Variants in CCDC180 observed in about 807,000 individuals in gnomAD.
The protein encoded by CCDC180 is coiled-coil domain containing 180, also known as coiled-coil domain-containing protein 180.
CCDC180 carries 154 observed loss-of-function variants against 209.2 expected under a neutral mutation model. The observed-to-expected ratio is 0.74, with a 90% CI of 0.65 to 0.84. The LOEUF (loss-of-function observed/expected upper bound fraction) is 0.84, where lower values mean the gene tolerates loss of function less well. Ranked by LOEUF, CCDC180 falls within the 40% of genes least tolerant of loss-of-function variation. The probability of loss-of-function intolerance (pLI) is 0.00; values close to 1 mark genes in which losing one functional copy is unlikely to be tolerated. For missense variants in CCDC180, 1,874 were observed against 1,997.3 expected, an observed-to-expected ratio of 0.94 and a Z score of 1.18; for synonymous variants, 778 against 749.1, an observed-to-expected ratio of 1.04 and a Z score of -0.63.
chr9:97,320,189 C>T lies in CCDC180; in HGVS notation c.1143C>T (p.Ser381=), dbSNP rs752058708. 1.9e-6 allele frequency: 3 copies of T among 1,614,040 alleles called. No homozygotes were observed. Among genetic ancestry groups the T allele is most frequent in the Non-Finnish European group, 1.7e-6 (2 of 1,179,996 alleles). The change falls in exon 11 of 37, where the codon TCC becomes TCT. Residue 381 remains serine, a synonymous_variant. Coordinates refer to ENST00000529487, the MANE Select transcript of CCDC180 (RefSeq NM_020893.6). ...CTGAGTGGCATTCTTCCCTCAACTC[C>T]CTGAACAAGGAGCTAGGTGAGTGAC... is the stretch of plus-strand genomic sequence containing the variant. ...QLTEWHSSLN[S]LNKELDTYHV...
chr9:97,368,947 A>G (rs529362834), intron 31 of CCDC180, among the ~76,000 whole-genome samples: 1 of 152,370 alleles, frequency 6.6e-6, no homozygotes, highest in South Asian at 2.1e-4. Flanking sequence ...CACAGAACAT[A>G]GAATAATATA....
intron 13 of CCDC180, among the ~76,000 whole-genome samples, chr9:97,324,767 GGA>G (rs1409589620): frequency 6.6e-6 from 1 of 152,206 alleles, no homozygotes; most frequent in Non-Finnish European, 1.5e-5. Context: ...AGACTTTTGT[GGA>G]GCACAGGATA....
chr9:97,364,478 G>A (rs898506025), intron 29 of CCDC180: 24 of 264,706 alleles, frequency 9.1e-5, no homozygotes, highest in Non-Finnish European at 1.6e-4. Flanking sequence ...AACAAAAGCT[G>A]TTCAACTTAG....
chr9:97,347,712 T>C, intron 20 of CCDC180: 1 of 523,004 alleles, frequency 1.9e-6, no homozygotes, highest in Non-Finnish European at 3.4e-6. Context: ...CATTTCCATT[T>C]TTTTTTCAAG....
chr9:97,349,029 G>A (rs1826349925), intron 20 of CCDC180, 82 bp from the exon 21 acceptor site: 2 of 1,290,770 alleles, frequency 1.5e-6, no homozygotes, highest in Admixed American at 2.4e-5. Context: ...GGAAGAGGCA[G>A]CAGGCGGGCC....
Position 97,343,420 on chromosome 9 carries a change from T to G in CCDC180, c.2355T>G (p.Tyr785Ter), listed in dbSNP as rs763004497. The G allele has an allele frequency of 7.4e-6, 12 of 1,613,920 alleles. No individual in the cohort carries two copies. The highest frequency in any genetic ancestry group is 1.3e-5 in the African/African-American group (1 of 74,926). Residue 785 changes from tyrosine (Y) to a stop codon, truncating the protein, a stop_gained, in exon 19 of 37, where the codon TAT becomes TAG. Coordinates refer to ENST00000529487, the MANE Select transcript of CCDC180 (RefSeq NM_020893.6). LOFTEE classifies it high-confidence loss of function. The stretch of plus-strand genomic sequence containing the variant: ...TCACAATCTCCAGTGGAAACACTTA[T>G]TTTGTCTTTGTACCCCTGGAAGAAG... Reference protein sequence around the residue: ...ESFTISSGNTYFVFVPLEEEH... With the variant: ...ESFTISSGNT
chr9:97,332,650 G>A (rs1027522314), intron 18 of CCDC180, among the ~76,000 whole-genome samples: 15 of 152,114 alleles, frequency 9.9e-5, no homozygotes, highest in Non-Finnish European at 2.1e-4. Context: ...GAATGGGATT[G>A]CTTTCCTGAT....
At chr9:97,356,187 G>T (rs573148905) in intron 24 of CCDC180, among the ~76,000 whole-genome samples, 55 of 152,320 alleles carry the variant, frequency 3.6e-4, no homozygotes, top group Non-Finnish European at 7.3e-4. Context: ...CACTGGAAAT[G>T]AAGGGCCTGG....
In CCDC180 at chr9:97,378,299, T is replaced by C. The variant is rs934181822; in HGVS notation, c.*1405T>C. The C allele has an allele frequency of 1.3e-5, 2 of 152,242 alleles. No individual in the cohort carries two copies. Among genetic ancestry groups the C allele is most frequent in the African/African-American group, 4.8e-5 (2 of 41,462 alleles). 9.4% of individuals were successfully genotyped at this position (152,242 alleles called of 1,614,324 possible). On this transcript the variant is annotated 3_prime_UTR_variant, in exon 37 of 37. Transcript: ENST00000529487. Reference sequence around the variant, plus strand: ...ATTTTTATAAAATGGAATCATAACATGCATTAGGTTCCATAAACTGCTTGG... The same window carrying C: ...ATTTTTATAAAATGGAATCATAACACGCATTAGGTTCCATAAACTGCTTGG...
intron 4 of CCDC180, among the ~76,000 whole-genome samples, chr9:97,312,506 T>C (rs572517554): frequency 1.9e-4 from 29 of 152,320 alleles, no homozygotes; most frequent in Admixed American, 1.7e-3. Context: ...TGCATTTTCT[T>C]CCTTCCTACT....
chr9:97,329,316 T>C (rs529288447), intron 16 of CCDC180, among the ~76,000 whole-genome samples: 1 of 152,298 alleles, frequency 6.6e-6, no homozygotes, highest in East Asian at 1.9e-4. Context: ...GTAGAGGACT[T>C]GCCCAAGATC....
At position 97,366,018 on chromosome 9, in the gene CCDC180, G is replaced by A. The variant is rs1185808636; in HGVS notation, c.4047+279G>A. 6.6e-6 allele frequency among the ~76,000 whole-genome samples: 1 copy of A among 152,196 alleles called. No individual in the cohort carries two copies. The highest frequency in any genetic ancestry group is 1.5e-5 in the Non-Finnish European group (1 of 68,020). ...AACAAGCCCATCCTCTGTCCCCAAG[G>A]CACCCAGGCCCAGTGGAAAGCTGAC... On this transcript the variant is annotated intron_variant, in intron 30 of 36. Transcript: ENST00000529487. The surrounding 1 kb of genome is among the most constrained non-coding windows in gnomAD (Gnocchi z 4.3).
chr9:97,367,429 G>A lies in CCDC180; in HGVS notation c.4189+729G>A, dbSNP rs73563875. On this transcript the variant is annotated intron_variant, in intron 31 of 36. Coordinates refer to ENST00000529487, the MANE Select transcript of CCDC180 (RefSeq NM_020893.6). The stretch of plus-strand genomic sequence containing the variant: ...CACCACTTCCCAGCTGTATTACCTT[G>A]GCCAAATGATCTCACCTCTCTGAGC... 7.6e-3 allele frequency among the ~76,000 whole-genome samples: 1,144 copies of A among 151,278 alleles called. 14 individuals are homozygous for A. The highest frequency in any genetic ancestry group is 0.026 in the African/African-American group (1,080 of 41,226).
intron 35 of CCDC180, among the ~76,000 whole-genome samples, chr9:97,375,133 T>C (rs1367599820): frequency 6.6e-6 from 1 of 152,144 alleles, no homozygotes; most frequent in East Asian, 1.9e-4. Context: ...AGGAAAAGCA[T>C]ACCAGGCACT....
In CCDC180 at chr9:97,317,166, CTGGCAAGGCT is replaced by C; in HGVS notation, c.901_910del (p.Gln301TrpfsTer31). On this transcript the variant is annotated frameshift_variant, in exon 9 of 37. Coordinates refer to ENST00000529487, the MANE Select transcript of CCDC180 (RefSeq NM_020893.6). LOFTEE classifies it high-confidence loss of function. ...AGCAGGAGCTGGACAGCCGCCACCG[CTGGCAAGGCT>C]TGGTGGACACCTGGAAGGCTCTCAA... 6.2e-7 allele frequency: 1 copy of C among 1,613,256 alleles called. No individual in the cohort carries two copies. Among genetic ancestry groups the C allele is most frequent in the South Asian group, 1.1e-5 (1 of 91,072 alleles).
At position 97,366,852 on chromosome 9, in the gene CCDC180, A is replaced by G; in HGVS notation, c.4189+152A>G. ...GCTGACCTCTTAAAATTAGGTAAAA[A>G]CAATAATCAGATTTTACTGGGGAAA... On this transcript the variant is annotated intron_variant, in intron 31 of 36. Coordinates refer to ENST00000529487, the MANE Select transcript of CCDC180 (RefSeq NM_020893.6). The surrounding 1 kb of genome is among the most constrained non-coding windows in gnomAD (Gnocchi z 4.3). 1.3e-6 allele frequency: 1 copy of G among 790,342 alleles called. No homozygotes were observed. Among genetic ancestry groups the G allele is most frequent in the Non-Finnish European group, 1.9e-6 (1 of 530,472 alleles). The allele number at this position is 790,342 out of a possible 1,614,324, so 49.0% of individuals were successfully genotyped here.
In CCDC180 at chr9:97,318,569, C is replaced by T; in HGVS notation, c.1066C>T (p.Leu356Phe). The stretch of plus-strand genomic sequence containing the variant: ...CCTGCAGCAAAGGCGGCTGAAGCAT[C>T]TCTGCACCATCTGGTATGGGCAGGA... ...NVLQQRRLKH[L>F]CTICDLLPPS... The change falls in exon 10 of 37, where the codon CTC (leucine) becomes TTC (phenylalanine). Residue 356 changes from leucine to phenylalanine, a missense_variant. Physicochemically the swap from Leu to Phe is conservative, Grantham distance 22 (BLOSUM62 0). Transcript: ENST00000529487. 1 of 1,613,032 alleles carries T rather than the reference C, an allele frequency of 6.2e-7. No homozygotes were observed. The highest frequency in any genetic ancestry group is 8.5e-7 in the Non-Finnish European group (1 of 1,179,830).
intron 10 of CCDC180, among the ~76,000 whole-genome samples, chr9:97,319,645 C>T (rs1195525786): frequency 1.3e-5 from 2 of 152,168 alleles, no homozygotes; most frequent in African/African-American, 2.4e-5. Flanking sequence ...CATGCTGCTG[C>T]GAAGGCCATG....
chr9:97,318,958 G>A (rs1413079508), intron 10 of CCDC180, among the ~76,000 whole-genome samples: 1 of 152,130 alleles, frequency 6.6e-6, no homozygotes, highest in Non-Finnish European at 1.5e-5. Context: ...TGTGTCAGAG[G>A]CATCTGACAC....
Sources: allele counts gnomAD v4.1 joint callset (sites outside exome capture counted in the v4.1 genomes callset), GRCh38; gene constraint gnomAD v4.1.1; non-coding constraint Gnocchi (gnomAD v3.1); transcripts MANE v1.5; gene names NCBI Gene and HGNC (gene_info 2026-07-23, HGNC 2026-07-21).